Variants in ADD1 observed in about 807,000 individuals in gnomAD.
ADD1 encodes the protein adducin 1, also known as alpha-adducin.
Under a neutral mutation model 80.5 loss-of-function variants are expected in ADD1, and 24 were observed. The observed-to-expected ratio is 0.30, with a 90% confidence interval of 0.22 to 0.42. The LOEUF (loss-of-function observed/expected upper bound fraction) is 0.42. ADD1 is among the 10% of genes least tolerant of loss of function. The pLI, the probability that ADD1 is intolerant of heterozygous loss-of-function variation, is 1.00. For synonymous variants in ADD1, 373 were observed against 393.8 expected (o/e 0.95, Z 0.63); for missense variants, 948 against 1,019.0 (o/e 0.93, Z 0.95).
chr4:2,891,726 A>T (rs924232906), intron 4 of ADD1, among the ~76,000 whole-genome samples: 1 of 152,196 alleles, frequency 6.6e-6, no homozygotes, highest in Non-Finnish European at 1.5e-5. Context: ...GGTGCCCAGA[A>T]CACCATAGCC....
chr4:2,888,400 AATT>A (rs34400467), intron 4 of ADD1, among the ~76,000 whole-genome samples: 26,410 of 139,758 alleles, frequency 0.19, 2,845 homozygotes, highest in East Asian at 0.46. Flanking sequence ...GTAATAATGA[AATT>A]ATTATTATTA....
At chr4:2,907,676 T>C in intron 10 of ADD1, 67 bp from the exon 11 acceptor site, 2 of 1,305,896 alleles carry the variant, frequency 1.5e-6, no homozygotes, top group Admixed American at 3.4e-5. Context: ...ATAAACTGAA[T>C]AGATTGGATG....
intron 3 of ADD1, among the ~76,000 whole-genome samples, chr4:2,883,692 G>A (rs1732771530): frequency 6.7e-6 from 1 of 150,326 alleles, no homozygotes; most frequent in Non-Finnish European, 1.5e-5. Context: ...TTTTTTTTGA[G>A]ATGGAGTCTT....
rs926625882 is a variant in ADD1, at chr4:2,843,943, GCGGAGC to G, written c.-87_-82del. ...CGCTGCTGCGGGCCAGGGGACGGGG[GCGGAGC>G]CGGAGCCGGAGCCGACGGGCGGTGG... On this transcript the variant is annotated 5_prime_UTR_variant, in exon 1 of 16. Transcript: ENST00000683351. 18 of 153,498 alleles carry G rather than the reference GCGGAGC, an allele frequency of 1.2e-4. No individual in the cohort carries two copies. The highest frequency in any genetic ancestry group is 1.8e-4 in the South Asian group (1 of 5,538). The allele number at this position is 153,498 out of a possible 1,614,324, so 9.5% of individuals were successfully genotyped here.
intron 6 of ADD1, among the ~76,000 whole-genome samples, chr4:2,895,889 ATTT>A (rs1434204816): frequency 7.0e-6 from 1 of 142,442 alleles, no homozygotes; most frequent in Non-Finnish European, 1.5e-5. Flanking sequence ...GTAATGCTGT[ATTT>A]TTTTTTTTTT....
intron 2 of ADD1, among the ~76,000 whole-genome samples, chr4:2,881,411 A>G (rs990200763): frequency 2.0e-5 from 3 of 152,084 alleles, no homozygotes; most frequent in Non-Finnish European, 2.9e-5. Flanking sequence ...TTCTATGTTT[A>G]GGTATGTATT....
At chr4:2,872,529 A>G (rs933379622) in intron 1 of ADD1, among the ~76,000 whole-genome samples, 2 of 152,166 alleles carry the variant, frequency 1.3e-5, no homozygotes, top group Non-Finnish European at 2.9e-5. Flanking sequence ...TAGTTACATG[A>G]TATTGTATTG....
chr4:2,896,006 GCCTCCCAA>G (rs1329474978), intron 6 of ADD1, among the ~76,000 whole-genome samples: 1 of 151,688 alleles, frequency 6.6e-6, no homozygotes, highest in Non-Finnish European at 1.5e-5. Flanking sequence ...TCCTGCCTCA[GCCTCCCAA>G]GTAGCTGGGA....
chr4:2,917,837 G>C (rs1739337088), intron 14 of ADD1, among the ~76,000 whole-genome samples: 2 of 152,148 alleles, frequency 1.3e-5, no homozygotes, highest in South Asian at 4.1e-4. Flanking sequence ...GGTTGTAGAT[G>C]TCTGGCATTA....
chr4:2,923,046 C>T (rs908059232), intron 14 of ADD1, among the ~76,000 whole-genome samples: 3 of 152,244 alleles, frequency 2.0e-5, no homozygotes, highest in Non-Finnish European at 4.4e-5. Flanking sequence ...GCAAGAATTT[C>T]AAGCCAGTGG....
At chr4:2,916,908 G>A (rs1739179162) in intron 14 of ADD1, among the ~76,000 whole-genome samples, 1 of 152,174 alleles carries the variant, frequency 6.6e-6, no homozygotes, top group African/African-American at 2.4e-5. Context: ...GTGTATATGT[G>A]CCACATTTTC....
At chr4:2,864,801 A>C (rs1729309022) in intron 1 of ADD1, among the ~76,000 whole-genome samples, 1 of 151,838 alleles carries the variant, frequency 6.6e-6, no homozygotes, top group Non-Finnish European at 1.5e-5. Flanking sequence ...TATTTTATTC[A>C]CGTTCTTAAT....
intron 13 of ADD1, among the ~76,000 whole-genome samples, chr4:2,910,074 C>CT: frequency 6.9e-6 from 1 of 145,936 alleles, no homozygotes; most frequent in East Asian, 2.0e-4. Flanking sequence ...GTGCGGGCAT[C>CT]TAGTATGTGG....
chr4:2,860,816 A>C (rs76853706), intron 1 of ADD1, among the ~76,000 whole-genome samples: 34,969 of 152,106 alleles, frequency 0.23, 4,604 homozygotes, highest in Middle Eastern at 0.3. Context: ...GGAAACTTCC[A>C]CCAGGGAAGT....
chr4:2,910,981 C>G (rs1312758492), intron 13 of ADD1, among the ~76,000 whole-genome samples: 1 of 152,178 alleles, frequency 6.6e-6, no homozygotes, highest in East Asian at 1.9e-4. Context: ...GCTAAAATAT[C>G]CCTCTTTTTG....
intron 1 of ADD1, among the ~76,000 whole-genome samples, chr4:2,850,059 C>G (rs985515159): frequency 6.6e-6 from 1 of 152,124 alleles, no homozygotes; most frequent in African/African-American, 2.4e-5. Flanking sequence ...GTGAAACACC[C>G]CAGATGTCCA....
chr4:2,850,731 G>A (rs930275606), intron 1 of ADD1, among the ~76,000 whole-genome samples: 16 of 151,104 alleles, frequency 1.1e-4, no homozygotes, highest in Non-Finnish European at 2.4e-4. Flanking sequence ...GGCCACGCCC[G>A]GCTAATTTTT....
intron 14 of ADD1, among the ~76,000 whole-genome samples, chr4:2,924,126 C>G (rs1740564351): frequency 6.6e-6 from 1 of 152,222 alleles, no homozygotes; most frequent in South Asian, 2.1e-4. Context: ...GCCTGTACTT[C>G]TCTTGGTAGC....
rs111879043 is a variant in ADD1, at chr4:2,886,419, C to T, written c.510+1753C>T. ...TTCTATCCATCTGTTCTTGTTTCCGCTTAAATGAACTTTTCAAAATGTAAG... is the reference window on the plus strand; with the variant it reads ...TTCTATCCATCTGTTCTTGTTTCCGTTTAAATGAACTTTTCAAAATGTAAG... On this transcript the variant is annotated intron_variant, in intron 4 of 15. Transcript: ENST00000683351. Among the ~76,000 whole-genome samples the T allele has an allele frequency of 4.0e-3, 606 of 152,316 alleles. 3 individuals are homozygous for T. Among genetic ancestry groups the T allele is most frequent in the Non-Finnish European group, 6.4e-3 (438 of 68,028 alleles).
Sources: gnomAD v4.1 joint callset for allele counts (sites outside exome capture counted in the v4.1 genomes callset) on GRCh38, gnomAD v4.1.1 for gene constraint, MANE v1.5 for transcripts, NCBI Gene and HGNC (gene_info 2026-07-23, HGNC 2026-07-21) for gene names.